The following UQCC1 variants were observed in gnomAD, a reference collection of about 807,000 sequenced individuals.
UQCC1 encodes ubiquinol-cytochrome c reductase complex assembly factor 1.
UQCC1 carries 38 observed loss-of-function variants against 48.0 expected under a neutral mutation model. That is an observed-to-expected ratio of 0.79 (90% CI 0.61 to 1.04). UQCC1 has a LOEUF of 1.04. Among genes scored for constraint, UQCC1 ranks in the 50% least tolerant of loss-of-function variants. The pLI, the probability that UQCC1 is intolerant of heterozygous loss-of-function variation, is 0.00. For synonymous variants in UQCC1, 111 were observed against 129.2 expected (o/e 0.86, Z 0.95); for missense variants, 368 against 381.8 (o/e 0.96, Z 0.30).
In UQCC1 at chr20:35,374,177, AACTT is replaced by A. The variant is rs752729421; in HGVS notation, c.406+3_406+6del. ...CTCCTTTTCAGTACTATCAAACAAT[AACTT>A]ACTTAGAAAGAATTCCTCGAAGTCA... On this transcript the variant is annotated splice_donor_5th_base_variant and intron_variant, in intron 5 of 9. Coordinates refer to ENST00000374385, the MANE Select transcript of UQCC1 (RefSeq NM_018244.5). 1.2e-6 allele frequency: 2 copies of A among 1,606,786 alleles called. No homozygotes were observed. Among genetic ancestry groups the A allele is most frequent in the Non-Finnish European group, 1.7e-6 (2 of 1,174,280 alleles).
chr20:35,345,084 C>G (rs947597919), intron 7 of UQCC1: 7 of 152,282 alleles, frequency 4.6e-5, no homozygotes, highest in Admixed American at 1.3e-4. Flanking sequence ...ACCCCTTCCC[C>G]CATCTTGTCC....
intron 6 of UQCC1, among the ~76,000 whole-genome samples, chr20:35,357,096 C>T (rs562481845): frequency 6.6e-6 from 1 of 152,204 alleles, no homozygotes; most frequent in African/African-American, 2.4e-5. Context: ...TAAAAGAAAA[C>T]TAAATAGGCC....
At chr20:35,386,072 G>A (rs1486927723) in intron 2 of UQCC1, among the ~76,000 whole-genome samples, 1 of 152,056 alleles carries the variant, frequency 6.6e-6, no homozygotes, top group Non-Finnish European at 1.5e-5. Context: ...CATGAAAAAT[G>A]TTAAATGCTT....
At chr20:35,310,212 T>C (rs2060974550) in intron 8 of UQCC1, among the ~76,000 whole-genome samples, 1 of 152,134 alleles carries the variant, frequency 6.6e-6, no homozygotes, top group South Asian at 2.1e-4. Flanking sequence ...TATATTCCCA[T>C]GTATCACACA....
chr20:35,404,395 CCGGG>C (rs2062217938), intron 1 of UQCC1, among the ~76,000 whole-genome samples: 1 of 143,764 alleles, frequency 7.0e-6, no homozygotes, highest in Non-Finnish European at 1.5e-5. Context: ...ACAAAATTAG[CCGGG>C]CATGGTGGCA....
chr20:35,347,306 G>A, intron 6 of UQCC1, 34 bp from the exon 7 acceptor site: 1 of 1,610,292 alleles, frequency 6.2e-7, no homozygotes, highest in South Asian at 1.1e-5. Flanking sequence ...AGTCTTGGCT[G>A]TTTGCATTTT....
chr20:35,352,896 G>A (rs1254894742), intron 6 of UQCC1, among the ~76,000 whole-genome samples: 1 of 151,968 alleles, frequency 6.6e-6, no homozygotes, highest in Non-Finnish European at 1.5e-5. Flanking sequence ...TCTTGCCCAG[G>A]CTGGTCTCGA....
rs190864568 is a variant in UQCC1 at position 35,346,715 on chromosome 20, T to C, written c.573+449A>G. 1.2e-4 allele frequency: 35 copies of C among 289,522 alleles called. No individual in the cohort carries two copies. In the Admixed American group the frequency reaches 1.4e-3, roughly 11 times the overall value. The allele number at this position is 289,522 out of a possible 1,614,324, so 17.9% of individuals were successfully genotyped here. A position where few individuals can be genotyped will look rare whatever the true frequency, so the allele number is the denominator to read the frequency against. On this transcript the variant is annotated intron_variant, in intron 7 of 9. Coordinates refer to ENST00000374385, the MANE Select transcript of UQCC1 (RefSeq NM_018244.5). ...AGGTATCTTACCAGACTCTTCTAGGTTGCCAGTGATCAAGGAGCTTGAGTT... is the reference window on the plus strand; with the variant it reads ...AGGTATCTTACCAGACTCTTCTAGGCTGCCAGTGATCAAGGAGCTTGAGTT...
chr20:35,338,871 A>T (rs1600900456), intron 7 of UQCC1, among the ~76,000 whole-genome samples: 1 of 65,948 alleles, frequency 1.5e-5, no homozygotes, highest in Non-Finnish European at 2.6e-5. Flanking sequence ...AAAAAAAAAA[A>T]AAAAAAAAAA....
rs1555805505 is a variant in UQCC1, at chr20:35,338,892, A to AATATATATATATAT, written c.573+8258_573+8271dup. Among the ~76,000 whole-genome samples the AATATATATATATAT allele has an allele frequency of 5.2e-4, 16 of 30,574 alleles. 1 individual carries two copies. Among genetic ancestry groups the AATATATATATATAT allele is most frequent in the African/African-American group, 5.1e-3 (14 of 2,726 alleles). 20.1% of individuals were successfully genotyped at this position (30,574 alleles called of 152,430 possible). ...AAAAAAAAAAAAAAAAAAAAAAAAA[A>AATATATATATATAT]ATATATATATATATATGGAGAGATT... On this transcript the variant is annotated intron_variant, in intron 7 of 9. Coordinates refer to ENST00000374385, the MANE Select transcript of UQCC1 (RefSeq NM_018244.5).
intron 5 of UQCC1, among the ~76,000 whole-genome samples, chr20:35,370,962 T>G: frequency 6.6e-6 from 1 of 152,176 alleles, no homozygotes; most frequent in East Asian, 1.9e-4. Flanking sequence ...CTCAACTGTT[T>G]CTGAAAACAA....
intron 7 of UQCC1, among the ~76,000 whole-genome samples, chr20:35,324,428 G>A (rs1044950920): frequency 3.9e-5 from 6 of 152,230 alleles, no homozygotes; most frequent in South Asian, 2.1e-4. Context: ...CCAGGTTCAC[G>A]CCATTCTCCT....
chr20:35,321,862 C>T (rs1023559213), intron 7 of UQCC1, among the ~76,000 whole-genome samples: 18 of 152,136 alleles, frequency 1.2e-4, no homozygotes, highest in African/African-American at 4.3e-4. Flanking sequence ...TATATAGTCA[C>T]GAAGTACAGG....
Position 35,303,514 on chromosome 20 carries a change from A to C in UQCC1, c.*421T>G. 1 of 173,698 alleles carries C rather than the reference A, an allele frequency of 5.8e-6. No homozygotes were observed. Among genetic ancestry groups the C allele is most frequent in the Non-Finnish European group, 1.3e-5 (1 of 79,612 alleles). 10.8% of individuals were successfully genotyped at this position (173,698 alleles called of 1,614,324 possible). On this transcript the variant is annotated 3_prime_UTR_variant, in exon 10 of 10. Transcript: ENST00000374385. ...CAACCCCATGGCTGAAAGCCGAGGGACAACGCGTGGTCACCGACCGGACTC... is the reference window on the plus strand; with the variant it reads ...CAACCCCATGGCTGAAAGCCGAGGGCCAACGCGTGGTCACCGACCGGACTC...
chr20:35,366,865 G>A (rs2061673288), intron 5 of UQCC1, among the ~76,000 whole-genome samples: 2 of 151,952 alleles, frequency 1.3e-5, no homozygotes, highest in Non-Finnish European at 2.9e-5. Context: ...AGGCCGAGGT[G>A]GGCAGATCAC....
At chr20:35,356,427 T>C (rs915268659) in intron 6 of UQCC1, among the ~76,000 whole-genome samples, 5 of 148,336 alleles carry the variant, frequency 3.4e-5, no homozygotes, top group Non-Finnish European at 7.5e-5. Context: ...ATTCTAAAAA[T>C]GACTAACAGG....
intron 4 of UQCC1, among the ~76,000 whole-genome samples, chr20:35,375,693 G>C (rs2061788110): frequency 6.6e-6 from 1 of 151,846 alleles, no homozygotes; most frequent in Admixed American, 6.6e-5. Flanking sequence ...GCTCACGCCT[G>C]TAATCCCAGC....
At chr20:35,402,064 C>T (rs2062172853) in intron 1 of UQCC1, among the ~76,000 whole-genome samples, 1 of 152,168 alleles carries the variant, frequency 6.6e-6, no homozygotes, top group African/African-American at 2.4e-5. Context: ...ACAAACTTTC[C>T]TTCCAGTTAC....
At chr20:35,389,099 T>A (rs1195245974) in intron 2 of UQCC1, among the ~76,000 whole-genome samples, 1 of 151,378 alleles carries the variant, frequency 6.6e-6, no homozygotes, top group Admixed American at 6.6e-5. Flanking sequence ...AAAAATAAAA[T>A]CAGGACTCCT....
Sources: allele counts gnomAD v4.1 joint callset (sites outside exome capture counted in the v4.1 genomes callset), GRCh38; gene constraint gnomAD v4.1.1; transcripts MANE v1.5; gene names NCBI Gene and HGNC (gene_info 2026-07-23, HGNC 2026-07-21).